Variants in ZNF722 observed in about 807,000 individuals in gnomAD.
ZNF722 encodes zinc finger protein 479 pseudogene.
chr7:64,007,170 A>G, the ZNF722 span, among the ~76,000 whole-genome samples: 2 of 150,172 alleles, frequency 1.3e-5, no homozygotes, highest in Admixed American at 6.6e-5. Context: ...GCATTTTTCT[A>G]TAAATTATTA....
At chr7:64,001,919 TATTG>T in the ZNF722 span, among the ~76,000 whole-genome samples, 1 of 152,182 alleles carries the variant, frequency 6.6e-6, no homozygotes, top group Non-Finnish European at 1.5e-5. Flanking sequence ...AGTCTCACTC[TATTG>T]CCCAGGCTGG....
chr7:64,009,792 G>A, the ZNF722 span, among the ~76,000 whole-genome samples: 1 of 152,148 alleles, frequency 6.6e-6, no homozygotes, highest in Admixed American at 6.5e-5. Flanking sequence ...TTTTTCTATT[G>A]ATTGGAATAG....
At chr7:64,004,425 A>AAAAAAAAAAAAAAAATATATATAT in the ZNF722 span, among the ~76,000 whole-genome samples, 1 of 61,112 alleles carries the variant, frequency 1.6e-5, no homozygotes, top group Admixed American at 2.3e-4. Flanking sequence ...AAAAAAAAAA[A>AAAAAAAAAAAAAAAATATATATAT]ATATATATAT....
chr7:64,005,749 C>A, the ZNF722 span: 67 of 1,528,790 alleles, frequency 4.4e-5, no homozygotes, highest in Middle Eastern at 6.9e-4. Context: ...GTGAGGAAAA[C>A]TTCAATACAC....
At chr7:64,011,373 G>T in the ZNF722 span, among the ~76,000 whole-genome samples, 2 of 152,294 alleles carry the variant, frequency 1.3e-5, no homozygotes, top group South Asian at 2.1e-4. Context: ...GCATGATTTT[G>T]CAGTGGCTGG....
At chr7:63,999,271 A>G in the ZNF722 span, among the ~76,000 whole-genome samples, 1 of 152,178 alleles carries the variant, frequency 6.6e-6, no homozygotes, top group Admixed American at 6.5e-5. Context: ...CCAGCGCCTC[A>G]TCTCACCCAG....
the ZNF722 span, chr7:64,005,566 A>G: frequency 3.7e-6 from 3 of 810,684 alleles, no homozygotes; most frequent in East Asian, 7.4e-5. Context: ...GCCACATGGT[A>G]ACTGTGTTCA....
chr7:64,002,175 C>A, the ZNF722 span, among the ~76,000 whole-genome samples: 7 of 152,136 alleles, frequency 4.6e-5, no homozygotes, highest in Admixed American at 2.0e-4. Context: ...GCCACAGCAC[C>A]CAGCTCCTTG....
At chr7:64,016,084 T>A in the ZNF722 span, 1 of 579,838 alleles carries the variant, frequency 1.7e-6, no homozygotes, top group Non-Finnish European at 2.9e-6. Flanking sequence ...TGTAAAAAAA[T>A]GTAACAAAGC....
the ZNF722 span, among the ~76,000 whole-genome samples, chr7:64,014,691 A>T: frequency 1.3e-5 from 2 of 152,160 alleles, no homozygotes; most frequent in Non-Finnish European, 2.9e-5. Context: ...ACTTTTGATC[A>T]CAGAAGACTT....
the ZNF722 span, among the ~76,000 whole-genome samples, chr7:64,014,701 T>C: frequency 6.6e-6 from 1 of 152,204 alleles, no homozygotes; most frequent in African/African-American, 2.4e-5. Flanking sequence ...ACAGAAGACT[T>C]AAAGCTGTCA....
At chr7:64,004,428 A>ATATGTATATG in the ZNF722 span, among the ~76,000 whole-genome samples, 1 of 64,262 alleles carries the variant, frequency 1.6e-5, no homozygotes. Context: ...AAAAAAAAAT[A>ATATGTATATG]TATATATATA....
At chr7:64,008,890 T>C in the ZNF722 span, among the ~76,000 whole-genome samples, 1 of 152,214 alleles carries the variant, frequency 6.6e-6, no homozygotes, top group African/African-American at 2.4e-5. Flanking sequence ...GGAATGTTCT[T>C]CCATTTGTTT....
At chr7:64,002,247 T>G in the ZNF722 span, among the ~76,000 whole-genome samples, 44 of 152,310 alleles carry the variant, frequency 2.9e-4, no homozygotes, top group African/African-American at 9.6e-4. Flanking sequence ...TTGTCTTTTG[T>G]GAGCTTTGAA....
the ZNF722 span, among the ~76,000 whole-genome samples, chr7:64,013,556 C>G: frequency 6.6e-6 from 1 of 151,610 alleles, no homozygotes. Flanking sequence ...AAAAATTTGT[C>G]CGCATTATAT....
the ZNF722 span, among the ~76,000 whole-genome samples, chr7:64,012,386 T>C: frequency 0.78 from 118,922 of 152,076 alleles, 46,597 homozygotes; most frequent in Admixed American, 0.8. Flanking sequence ...CTTTTCTGCT[T>C]TGGTTCCTCC....
the ZNF722 span, among the ~76,000 whole-genome samples, chr7:64,001,299 G>A: frequency 3.3e-5 from 5 of 152,052 alleles, no homozygotes; most frequent in South Asian, 6.2e-4. Context: ...CTGTGTCCAC[G>A]TGTTCTCATT....
At chr7:64,007,180 A>G in the ZNF722 span, among the ~76,000 whole-genome samples, 350 of 147,576 alleles carry the variant, frequency 2.4e-3, 1 homozygote, top group African/African-American at 8.1e-3. Context: ...ATAAATTATT[A>G]ATTTTGTGCA....
At chr7:64,016,248 C>T in the ZNF722 span, 1 of 201,654 alleles carries the variant, frequency 5.0e-6, no homozygotes, top group Non-Finnish European at 1.0e-5. Flanking sequence ...AAGTGATTCT[C>T]CTCCCTCAGC....
Sources: allele counts gnomAD v4.1 joint callset (sites outside exome capture counted in the v4.1 genomes callset), GRCh38; gene constraint gnomAD v4.1.1; transcripts MANE v1.5; gene names NCBI Gene and HGNC (gene_info 2026-07-23, HGNC 2026-07-21).